The following RASSF2 variants were observed in gnomAD, a reference collection of about 807,000 sequenced individuals.
RASSF2 encodes ras association domain-containing protein 2.
A neutral mutation model predicts 46.3 loss-of-function variants in RASSF2; 34 were observed. That is an observed-to-expected ratio of 0.73 (90% CI 0.56 to 0.98). The LOEUF is 0.98. RASSF2 is among the 50% of genes least tolerant of loss of function. RASSF2 has a pLI of 0.00. For missense variants in RASSF2, 364 were observed against 431.2 expected (o/e 0.84, Z 1.38); for synonymous variants, 158 against 162.5 (o/e 0.97, Z 0.21).
At chr20:4,811,942 G>A (rs1927854943) in intron 2 of RASSF2, among the ~76,000 whole-genome samples, 1 of 152,200 alleles carries the variant, frequency 6.6e-6, no homozygotes, top group Non-Finnish European at 1.5e-5. Flanking sequence ...AAGACCAACT[G>A]GCCAGGTCTC....
At chr20:4,797,885 C>T (rs1601103650) in intron 4 of RASSF2, 125 bp downstream of exon 4, 4 of 1,454,532 alleles carry the variant, frequency 2.8e-6, no homozygotes, top group East Asian at 2.5e-5. Context: ...AGGACTCTCA[C>T]TAGCAACCTA....
chr20:4,808,409 C>T (rs1465599134), intron 2 of RASSF2, among the ~76,000 whole-genome samples: 2 of 151,946 alleles, frequency 1.3e-5, no homozygotes, highest in East Asian at 3.8e-4. Context: ...ACTAAAACAC[C>T]TCATAGTCTA....
rs1450309943 is a variant in RASSF2, at chr20:4,795,850, G to A, written c.252C>T (p.Ser84=). The A allele has an allele frequency of 6.2e-6, 10 of 1,611,078 alleles. No homozygotes were observed. The Admixed American group carries it at 1.3e-4, about 22-fold the overall frequency. The change falls in exon 5 of 12, where the codon TCC becomes TCT. Residue 84 remains serine, a synonymous_variant. Transcript: ENST00000379400. This position sits in a 1 kb window ranked among gnomAD's most constrained non-coding sequence, Gnocchi z 4.0. The part of the protein sequence containing the change: ...NERIRPPPSS[S]SWHSGCNLGA... ...CCAGGTTACAGCCAGAGTGCCAGGA[G>A]GAGGAGGATGGAGGGGGTCGAATGC...
chr20:4,789,105 C>T (rs566515401), intron 8 of RASSF2, among the ~76,000 whole-genome samples: 2 of 152,306 alleles, frequency 1.3e-5, no homozygotes, highest in East Asian at 3.9e-4. Context: ...GTGGAAAACA[C>T]AGAGCAACAG....
chr20:4,816,688 A>C (rs149550436), intron 2 of RASSF2, among the ~76,000 whole-genome samples: 9 of 152,348 alleles, frequency 5.9e-5, no homozygotes, highest in African/African-American at 1.9e-4. Context: ...GAAGATCGAA[A>C]TCTCGCAAAC....
At position 4,790,300 on chromosome 20, in the gene RASSF2, G is replaced by A; in HGVS notation, c.537+151C>T. On this transcript the variant is annotated intron_variant, in intron 7 of 11. Transcript: ENST00000379400. This position sits in a 1 kb window ranked among gnomAD's most constrained non-coding sequence, Gnocchi z 4.3. ...CCCTCAGCCCTCAGGAAGCCAGCAG[G>A]GCTTGCAGCCCACCCACAACCCAAA... The A allele has an allele frequency of 1.1e-6, 1 of 930,858 alleles. No individual in the cohort carries two copies. Among genetic ancestry groups the A allele is most frequent in the Non-Finnish European group, 1.5e-6 (1 of 681,010 alleles). The allele number at this position is 930,858 out of a possible 1,614,324, so 57.7% of individuals were successfully genotyped here. A position where few individuals can be genotyped will look rare whatever the true frequency, so the allele number is the denominator to read the frequency against.
intron 4 of RASSF2, 126 bp from the exon 5 acceptor site, chr20:4,796,092 A>T (rs1408708123): frequency 3.0e-6 from 3 of 1,006,770 alleles, no homozygotes; most frequent in East Asian, 3.1e-5. Flanking sequence ...TATTCACAGG[A>T]TAGGGGCAGC....
In RASSF2 at chr20:4,798,040, T is replaced by C. The variant is rs201012130; in HGVS notation, c.105A>G (p.Glu35=). The change falls in exon 4 of 12, where the codon GAA becomes GAG. Residue 35 remains glutamate (E), a synonymous_variant. Coordinates refer to ENST00000379400, the MANE Select transcript of RASSF2 (RefSeq NM_014737.3). ...GGTGCCGGAGCTGTAAATTCTGGCC[T>C]TCATAGTACAAGTTGTAGGTCTTCA... ...LHLKTYNLYY[E]GQNLQLRHRE... 1 of 1,613,924 alleles carries C rather than the reference T, an allele frequency of 6.2e-7. No individual in the cohort carries two copies. Among genetic ancestry groups the C allele is most frequent in the Non-Finnish European group, 8.5e-7 (1 of 1,179,922 alleles).
In RASSF2 at chr20:4,789,521, C is replaced by A. The variant is rs990530230; in HGVS notation, c.639+75G>T. 66 of 1,266,256 alleles carry A rather than the reference C, an allele frequency of 5.2e-5. No homozygotes were observed. The East Asian group carries it at 1.4e-3, about 28-fold the overall frequency. 78.4% of individuals were successfully genotyped at this position (1,266,256 alleles called of 1,614,324 possible). On this transcript the variant is annotated intron_variant, in intron 8 of 11. Transcript: ENST00000379400. ...CACAAAACACACAATTTCCATAGCT[C>A]CTCGCACAACCACTCTAGGAGTCCC...
At chr20:4,823,305 C>G (rs1928847854) in intron 1 of RASSF2, among the ~76,000 whole-genome samples, 2 of 152,110 alleles carry the variant, frequency 1.3e-5, no homozygotes, top group Non-Finnish European at 2.9e-5. Flanking sequence ...CCCCGCGCCC[C>G]GCGCCTTGCC....
At chr20:4,789,723 G>A (rs374042882) in intron 7 of RASSF2, 26 bp from the exon 8 acceptor site, 4 of 1,593,964 alleles carry the variant, frequency 2.5e-6, no homozygotes, top group Non-Finnish European at 3.4e-6. Flanking sequence ...CCCAGCTCAG[G>A]GTGGGAGTGG....
chr20:4,790,486 G>C lies in RASSF2; in HGVS notation c.502C>G (p.Arg168Gly). The C allele has an allele frequency of 6.6e-7, 1 of 1,506,316 alleles. No homozygotes were observed. The highest frequency in any genetic ancestry group is 8.8e-7 in the Non-Finnish European group (1 of 1,131,328). 93.3% of individuals were successfully genotyped at this position (1,506,316 alleles called of 1,614,324 possible). ...TAGAAATGGCCGTTGATGGAGAAGCGGTGGCGTCTGATTCGCCGCTGGTCA... is the reference window on the plus strand; with the variant it reads ...TAGAAATGGCCGTTGATGGAGAAGCCGTGGCGTCTGATTCGCCGCTGGTCA... The part of the protein sequence containing the change: ...PSDQRRIRRH[R>G]FSINGHFYNH... The change falls in exon 7 of 12, where the codon CGC becomes GGC. Residue 168 changes from arginine to glycine, a missense_variant. Coordinates refer to ENST00000379400, the MANE Select transcript of RASSF2 (RefSeq NM_014737.3). The surrounding 1 kb of genome is among the most constrained non-coding windows in gnomAD (Gnocchi z 4.3).
chr20:4,797,290 A>C (rs1926428071), intron 4 of RASSF2, among the ~76,000 whole-genome samples: 1 of 152,228 alleles, frequency 6.6e-6, no homozygotes, highest in Non-Finnish European at 1.5e-5. Context: ...CTGCCCTAGC[A>C]GCTGAAATTC....
chr20:4,791,709 C>T (rs778160025), intron 6 of RASSF2, among the ~76,000 whole-genome samples: 4 of 152,192 alleles, frequency 2.6e-5, no homozygotes, highest in Non-Finnish European at 4.4e-5. Context: ...AAATGTGTGA[C>T]GTGACACATG....
intron 2 of RASSF2, among the ~76,000 whole-genome samples, chr20:4,820,835 C>A (rs1396418596): frequency 2.0e-5 from 3 of 152,174 alleles, no homozygotes; most frequent in Non-Finnish European, 2.9e-5. Context: ...CATCTCCCAG[C>A]CTCTCCGTGA....
intron 2 of RASSF2, among the ~76,000 whole-genome samples, chr20:4,816,885 C>T (rs935343315): frequency 3.3e-5 from 5 of 152,118 alleles, no homozygotes; most frequent in African/African-American, 1.2e-4. Flanking sequence ...GGGTGGATCA[C>T]CTGAGGTCAG....
At chr20:4,809,351 C>T (rs1927586673) in intron 2 of RASSF2, among the ~76,000 whole-genome samples, 1 of 152,090 alleles carries the variant, frequency 6.6e-6, no homozygotes, top group African/African-American at 2.4e-5. Flanking sequence ...TGTGAGTGTG[C>T]CCATGCTCCC....
At position 4,785,125 on chromosome 20, in the gene RASSF2, C is replaced by G. The variant is rs570403643; in HGVS notation, c.912-783G>C. ...AGGAGTTCAAGACCAGCCTGGCCAA[C>G]ATGGCAAAACCCCGTCTCTACTAAA... On this transcript the variant is annotated intron_variant, in intron 11 of 11. Coordinates refer to ENST00000379400, the MANE Select transcript of RASSF2 (RefSeq NM_014737.3). Among the ~76,000 whole-genome samples the G allele has an allele frequency of 3.5e-3, 391 of 111,562 alleles. 4 individuals are homozygous for G. Among genetic ancestry groups the G allele is most frequent in the African/African-American group, 0.013 (367 of 28,310 alleles). 73.2% of individuals were successfully genotyped at this position (111,562 alleles called of 152,430 possible).
intron 6 of RASSF2, among the ~76,000 whole-genome samples, chr20:4,791,134 C>T (rs1047417375): frequency 6.6e-6 from 1 of 152,324 alleles, no homozygotes; most frequent in East Asian, 1.9e-4. Context: ...ATATGAGATA[C>T]TTAGAGTGTA....
Sources: gnomAD v4.1 joint callset for allele counts (sites outside exome capture counted in the v4.1 genomes callset) on GRCh38, gnomAD v4.1.1 for gene constraint, Gnocchi (gnomAD v3.1) non-coding constraint, MANE v1.5 for transcripts, NCBI Gene and HGNC (gene_info 2026-07-23, HGNC 2026-07-21) for gene names.